RBFOX1: variants seen among roughly 807,000 people sequenced by gnomAD.
RBFOX1 encodes RNA binding fox-1 homolog 1, also known as RNA binding protein fox-1 homolog 1.
RBFOX1 carries 8 observed loss-of-function variants against 57.7 expected under a neutral mutation model. That is an observed-to-expected ratio of 0.14 (90% CI 0.08 to 0.25). The LOEUF (loss-of-function observed/expected upper bound fraction) is 0.25. Ranked by LOEUF, RBFOX1 falls within the 10% of genes least tolerant of loss-of-function variation. The probability of loss-of-function intolerance (pLI) is 1.00; values close to 1 mark genes in which losing one functional copy is unlikely to be tolerated. For missense variants in RBFOX1, 611 were observed against 548.5 expected (o/e 1.11, Z -1.14); for synonymous variants, 326 against 222.4 (o/e 1.47, Z -4.15).
chr16:7,584,305 T>C (rs1470610300), intron 6 of RBFOX1, among the ~76,000 whole-genome samples: 2 of 152,172 alleles, frequency 1.3e-5, no homozygotes, highest in Non-Finnish European at 2.9e-5. Context: ...GTTTGTTTTG[T>C]TTTTTAAGAT....
intron 1 of RBFOX1, among the ~76,000 whole-genome samples, chr16:6,072,241 T>C (rs1409429970): frequency 1.3e-5 from 2 of 152,128 alleles, no homozygotes; most frequent in African/African-American, 4.8e-5. Flanking sequence ...CCCCCCATGA[T>C]CCAATTACCT....
chr16:5,837,008 C>T (rs1326266739), intron 3 of RBFOX1, among the ~76,000 whole-genome samples: 1 of 152,170 alleles, frequency 6.6e-6, no homozygotes, highest in Non-Finnish European at 1.5e-5. Flanking sequence ...TTCCCTAGAG[C>T]CCTTGCGTGG....
chr16:7,388,807 G>A (rs2097933176), intron 4 of RBFOX1, among the ~76,000 whole-genome samples: 1 of 152,036 alleles, frequency 6.6e-6, no homozygotes, highest in African/African-American at 2.4e-5. Context: ...TAATATAAGT[G>A]TTTTGAGCTT....
intron 1 of RBFOX1, among the ~76,000 whole-genome samples, chr16:5,339,276 C>T (rs1357530795): frequency 6.6e-6 from 1 of 151,986 alleles, no homozygotes; most frequent in South Asian, 2.1e-4. Flanking sequence ...CTGTCTGCCC[C>T]CGCTGCCGCT....
intron 5 of RBFOX1, among the ~76,000 whole-genome samples, chr16:7,533,929 C>A (rs2080806984): frequency 6.6e-6 from 1 of 152,004 alleles, no homozygotes; most frequent in African/African-American, 2.4e-5. Context: ...TCAATTAATT[C>A]TAAAACCAAT....
chr16:6,708,303 C>CAG (rs2063125143), intron 3 of RBFOX1, among the ~76,000 whole-genome samples: 1 of 96,478 alleles, frequency 1.0e-5, no homozygotes, highest in Admixed American at 1.3e-4. Context: ...CACACACACA[C>CAG]ACTCACACTC....
chr16:7,190,189 C>T (rs11862567), intron 4 of RBFOX1, among the ~76,000 whole-genome samples: 2,241 of 152,050 alleles, frequency 0.015, 60 homozygotes, highest in African/African-American at 0.051. Context: ...GGTGAAACCC[C>T]GTCTCTACTA....
At chr16:6,626,417 G>A (rs999428361) in intron 2 of RBFOX1, among the ~76,000 whole-genome samples, 9 of 152,118 alleles carry the variant, frequency 5.9e-5, no homozygotes, top group Admixed American at 4.6e-4. Context: ...CTTTGCTGTG[G>A]ATTCTCAACC....
chr16:7,265,506 TG>T (rs1455902355), intron 4 of RBFOX1, among the ~76,000 whole-genome samples: 2 of 152,180 alleles, frequency 1.3e-5, no homozygotes, highest in Non-Finnish European at 2.9e-5. Context: ...TGGAGTGCAG[TG>T]GCACGATCTC....
intron 3 of RBFOX1, among the ~76,000 whole-genome samples, chr16:7,044,917 T>C (rs2047392732): frequency 6.6e-6 from 1 of 152,154 alleles, no homozygotes. Context: ...AAGAGCCTCA[T>C]TAGTTGCAGC....
At chr16:5,979,668 C>A (rs1395575998) in intron 4 of RBFOX1, among the ~76,000 whole-genome samples, 1 of 152,118 alleles carries the variant, frequency 6.6e-6, no homozygotes, top group Admixed American at 6.5e-5. Flanking sequence ...TCAAGACCAT[C>A]CTGGTCAACA....
intron 11 of RBFOX1, among the ~76,000 whole-genome samples, chr16:7,653,528 C>G (rs754628992): frequency 6.6e-6 from 1 of 152,162 alleles, no homozygotes; most frequent in Non-Finnish European, 1.5e-5. Flanking sequence ...TAATTAAATA[C>G]TCATGCAGTG....
chr16:7,020,973 C>G (rs544196547), intron 3 of RBFOX1, among the ~76,000 whole-genome samples: 1 of 151,996 alleles, frequency 6.6e-6, no homozygotes, highest in Non-Finnish European at 1.5e-5. Flanking sequence ...CTTAAAAATA[C>G]AAAAATTAGT....
intron 3 of RBFOX1, among the ~76,000 whole-genome samples, chr16:6,852,298 G>T (rs956853625): frequency 1.3e-5 from 2 of 152,048 alleles, no homozygotes; most frequent in African/African-American, 4.8e-5. Flanking sequence ...GTGCCTCTGC[G>T]TCTTTCTTTT....
chr16:6,665,942 A>C (rs999713288), intron 3 of RBFOX1, among the ~76,000 whole-genome samples: 1 of 152,102 alleles, frequency 6.6e-6, no homozygotes, highest in African/African-American at 2.4e-5. Flanking sequence ...ACATGTTGTG[A>C]GAGGGACCTG....
chr16:6,919,769 C>CT (rs57240620), intron 3 of RBFOX1, among the ~76,000 whole-genome samples: 23,644 of 123,414 alleles, frequency 0.19, 2,377 homozygotes, highest in Non-Finnish European at 0.21. Flanking sequence ...TAAGATCATT[C>CT]TTTTTTTTTT....
chr16:7,144,701 T>A (rs1567441456), intron 4 of RBFOX1, among the ~76,000 whole-genome samples: 1 of 152,084 alleles, frequency 6.6e-6, no homozygotes, highest in Non-Finnish European at 1.5e-5. Flanking sequence ...GCAGCTTCCC[T>A]CCGCTTTCCC....
At chr16:5,713,935 A>T (rs1193700792) in intron 3 of RBFOX1, among the ~76,000 whole-genome samples, 1 of 152,120 alleles carries the variant, frequency 6.6e-6, no homozygotes, top group East Asian at 1.9e-4. Context: ...TTTCTGGGAG[A>T]CGTGGGAGAT....
At chr16:6,571,545 G>C (rs1377265021) in intron 2 of RBFOX1, among the ~76,000 whole-genome samples, 1 of 150,142 alleles carries the variant, frequency 6.7e-6, no homozygotes, top group Non-Finnish European at 1.5e-5. Context: ...GGGGTAGTCG[G>C]GGAGAGAGGA....
Sources: gnomAD v4.1 joint callset for allele counts (sites outside exome capture counted in the v4.1 genomes callset) on GRCh38, gnomAD v4.1.1 for gene constraint, MANE v1.5 for transcripts, NCBI Gene and HGNC (gene_info 2026-07-23, HGNC 2026-07-21) for gene names.